XRCC4: variants seen among roughly 807,000 people sequenced by gnomAD.
XRCC4 encodes the protein DNA repair protein XRCC4.
A neutral mutation model predicts 39.1 loss-of-function variants in XRCC4; 28 were observed. That is an observed-to-expected ratio of 0.72 (90% CI 0.53 to 0.98). XRCC4 has a LOEUF of 0.98. XRCC4 is among the 50% of genes least tolerant of loss of function. XRCC4 has a pLI of 0.00. For synonymous variants in XRCC4, 123 were observed against 126.4 expected (o/e 0.97, Z 0.18); for missense variants, 350 against 376.4 (o/e 0.93, Z 0.58).
chr5:83,326,542 A>T (rs1290726372), intron 7 of XRCC4, among the ~76,000 whole-genome samples: 1 of 152,058 alleles, frequency 6.6e-6, no homozygotes, highest in African/African-American at 2.4e-5. Flanking sequence ...AATATTCTTT[A>T]TGGGAAAATT....
At chr5:83,335,418 G>A (rs1445790063) in intron 7 of XRCC4, among the ~76,000 whole-genome samples, 1 of 151,794 alleles carries the variant, frequency 6.6e-6, no homozygotes, top group East Asian at 1.9e-4. Context: ...TATTTTATGT[G>A]TAACATGAGA....
intron 3 of XRCC4, among the ~76,000 whole-genome samples, chr5:83,180,992 T>A (rs1041267507): frequency 6.6e-6 from 1 of 151,692 alleles, no homozygotes; most frequent in Non-Finnish European, 1.5e-5. Flanking sequence ...ACAAACCTTA[T>A]AATGAAAAAT....
intron 7 of XRCC4, among the ~76,000 whole-genome samples, chr5:83,346,463 T>G (rs557525716): frequency 3.2e-4 from 49 of 152,298 alleles, no homozygotes; most frequent in South Asian, 2.7e-3. Flanking sequence ...GATATAATAT[T>G]TATAGAGATG....
At chr5:83,159,599 C>T (rs1489183916) in intron 3 of XRCC4, among the ~76,000 whole-genome samples, 5 of 152,156 alleles carry the variant, frequency 3.3e-5, no homozygotes, top group Non-Finnish European at 7.4e-5. Context: ...CCTTGTTTCA[C>T]ATGACCTGTC....
At position 83,133,462 on chromosome 5, in the gene XRCC4, G is replaced by T. The variant is rs183202918; in HGVS notation, c.315+22259G>T. 4.8e-3 allele frequency among the ~76,000 whole-genome samples: 733 copies of T among 152,298 alleles called. 8 individuals carry two copies. The highest frequency in any genetic ancestry group is 0.017 in the African/African-American group (690 of 41,560). ...TGTGCAGAAGTTTCTGCTGCCTTTTGTTTAGCTAGGCCCTGCCCCCAAAGG... is the reference window on the plus strand; with the variant it reads ...TGTGCAGAAGTTTCTGCTGCCTTTTTTTTAGCTAGGCCCTGCCCCCAAAGG... On this transcript the variant is annotated intron_variant, in intron 3 of 7. Transcript: ENST00000396027.
intron 7 of XRCC4, among the ~76,000 whole-genome samples, chr5:83,334,674 C>CATAT (rs150054914): frequency 2.0e-3 from 289 of 147,820 alleles, no homozygotes; most frequent in African/African-American, 5.7e-3. Flanking sequence ...TATGTGTGTG[C>CATAT]ATATATATAT....
intron 7 of XRCC4, among the ~76,000 whole-genome samples, chr5:83,307,056 CT>C (rs1223682769): frequency 6.6e-6 from 1 of 152,204 alleles, no homozygotes; most frequent in Non-Finnish European, 1.5e-5. Context: ...CACCTTTCCC[CT>C]GTTAACATAG....
intron 3 of XRCC4, among the ~76,000 whole-genome samples, chr5:83,190,809 AC>A (rs568762033): frequency 1.4e-3 from 215 of 152,304 alleles, no homozygotes; most frequent in African/African-American, 5.0e-3. Context: ...TCTTTAAAAA[AC>A]ATCTGTTTAA....
intron 3 of XRCC4, among the ~76,000 whole-genome samples, chr5:83,192,523 CT>C (rs1750758292): frequency 6.6e-6 from 1 of 151,814 alleles, no homozygotes; most frequent in Admixed American, 6.6e-5. Context: ...GTTGCCCAGG[CT>C]GGTCTCAAAC....
chr5:83,315,188 T>G (rs537774332), intron 7 of XRCC4, among the ~76,000 whole-genome samples: 167 of 152,198 alleles, frequency 1.1e-3, no homozygotes, highest in African/African-American at 3.8e-3. Flanking sequence ...AGCCCCAAAA[T>G]TCCTATAAAC....
At chr5:83,181,885 AGGGTAT>A (rs1212430067) in intron 3 of XRCC4, among the ~76,000 whole-genome samples, 3 of 152,184 alleles carry the variant, frequency 2.0e-5, no homozygotes, top group Admixed American at 6.5e-5. Context: ...CTGTAGCGCC[AGGGTAT>A]GGACTGCTGA....
intron 7 of XRCC4, among the ~76,000 whole-genome samples, chr5:83,318,157 C>T (rs1755941543): frequency 6.9e-6 from 1 of 145,646 alleles, no homozygotes; most frequent in South Asian, 2.1e-4. Context: ...TTCAACAACG[C>T]TTCATGCTAA....
intron 3 of XRCC4, among the ~76,000 whole-genome samples, chr5:83,162,049 C>T (rs1220121909): frequency 3.3e-5 from 5 of 152,082 alleles, no homozygotes; most frequent in African/African-American, 4.8e-5. Flanking sequence ...TGCCTGTAGT[C>T]CCAGCTACTC....
At chr5:83,122,486 A>G (rs1476809316) in intron 3 of XRCC4, among the ~76,000 whole-genome samples, 1 of 152,110 alleles carries the variant, frequency 6.6e-6, no homozygotes, top group Non-Finnish European at 1.5e-5. Flanking sequence ...CACCCCAAAA[A>G]TTATCTGATC....
chr5:83,082,889 GTA>G (rs2112281919), intron 1 of XRCC4, among the ~76,000 whole-genome samples: 1 of 152,160 alleles, frequency 6.6e-6, no homozygotes, highest in Admixed American at 6.5e-5. Context: ...ACATGTCTTT[GTA>G]TTCTCTCTCC....
intron 6 of XRCC4, among the ~76,000 whole-genome samples, chr5:83,216,478 A>G (rs1430644218): frequency 1.3e-5 from 2 of 152,200 alleles, no homozygotes; most frequent in East Asian, 3.8e-4. Context: ...ACTGAAGAGA[A>G]ATAAGAACAT....
intron 1 of XRCC4, 97 bp from the exon 2 acceptor site, chr5:83,104,813 A>G: frequency 8.9e-7 from 1 of 1,125,410 alleles, no homozygotes; most frequent in Non-Finnish European, 1.3e-6. Flanking sequence ...TTATTTTCTT[A>G]TTTCCTTGGT....
intron 3 of XRCC4, among the ~76,000 whole-genome samples, chr5:83,162,852 G>T (rs1324732246): frequency 6.6e-6 from 1 of 151,750 alleles, no homozygotes; most frequent in Non-Finnish European, 1.5e-5. Flanking sequence ...CATAGTCCCT[G>T]CTGCTATTTT....
chr5:83,147,031 A>G (rs1310557627), intron 3 of XRCC4, among the ~76,000 whole-genome samples: 1 of 152,184 alleles, frequency 6.6e-6, no homozygotes, highest in Non-Finnish European at 1.5e-5. Flanking sequence ...TCTGGCCACA[A>G]ATTACACTCG....
Sources: gnomAD v4.1 joint callset for allele counts (sites outside exome capture counted in the v4.1 genomes callset) on GRCh38, gnomAD v4.1.1 for gene constraint, MANE v1.5 for transcripts, NCBI Gene and HGNC (gene_info 2026-07-23, HGNC 2026-07-21) for gene names.